Variants in SRGAP1 observed in about 807,000 individuals in gnomAD.
The protein encoded by SRGAP1 is SLIT-ROBO Rho GTPase activating protein 1, also known as SLIT-ROBO Rho GTPase-activating protein 1.
A neutral mutation model predicts 121.9 loss-of-function variants in SRGAP1; 43 were observed. The ratio of observed to expected loss-of-function variants is 0.35; its 90% CI spans 0.28 to 0.46. SRGAP1 has a LOEUF of 0.46. SRGAP1 is among the 20% of genes least tolerant of loss of function. The pLI is 1.00. For synonymous variants in SRGAP1, 447 were observed against 485.4 expected, an observed-to-expected ratio of 0.92 and a Z score of 1.04; for missense variants, 1,102 against 1,350.9, an observed-to-expected ratio of 0.82 and a Z score of 2.89.
intron 17 of SRGAP1, among the ~76,000 whole-genome samples, chr12:64,114,441 C>T (rs1250436172): frequency 2.0e-5 from 3 of 150,902 alleles, no homozygotes; most frequent in African/African-American, 4.9e-5. Flanking sequence ...ACCTCTGCCT[C>T]CCGGGTTCAA....
chr12:63,975,589 C>CT (rs148951833), intron 1 of SRGAP1, among the ~76,000 whole-genome samples: 112 of 152,010 alleles, frequency 7.4e-4, no homozygotes, highest in Middle Eastern at 6.8e-3. Flanking sequence ...ATTTTACGTT[C>CT]TTTTTTTTCT....
rs574299988 is a variant in SRGAP1 at position 63,935,920 on chromosome 12, A to G, written c.68-48027A>G. On this transcript the variant is annotated intron_variant, in intron 1 of 21. Coordinates refer to ENST00000355086, the MANE Select transcript of SRGAP1 (RefSeq NM_020762.4). ...TTAGCTGGGAAATCCAGGAACATTT[A>G]TACCCAAAAAAGAGACTCTTCTTTC... Among the ~76,000 whole-genome samples, 3 of 152,326 alleles carry G rather than the reference A, an allele frequency of 2.0e-5. No homozygotes were observed. The South Asian group carries it at 6.2e-4, about 32-fold the overall frequency.
intron 1 of SRGAP1, among the ~76,000 whole-genome samples, chr12:63,909,619 T>C (rs73315395): frequency 0.02 from 3,073 of 152,368 alleles, 115 homozygotes; most frequent in African/African-American, 0.069. Flanking sequence ...GTATTTATAC[T>C]ATATACCAGA....
intron 4 of SRGAP1, among the ~76,000 whole-genome samples, chr12:64,031,445 C>T (rs1292136125): frequency 1.3e-5 from 2 of 151,740 alleles, no homozygotes; most frequent in Non-Finnish European, 2.9e-5. Flanking sequence ...ATCATGGATT[C>T]AATATCAGTA....
chr12:63,891,180 G>A (rs1032131298), intron 1 of SRGAP1, among the ~76,000 whole-genome samples: 1 of 152,082 alleles, frequency 6.6e-6, no homozygotes, highest in Non-Finnish European at 1.5e-5. Flanking sequence ...TTTATTAGAC[G>A]CTCCTCACTA....
rs200316426 is a variant in SRGAP1, at chr12:64,028,203, T to C, written c.489+11191T>C. 2.8e-4 allele frequency among the ~76,000 whole-genome samples: 43 copies of C among 152,366 alleles called. 1 individual carries two copies. In the East Asian group the frequency reaches 6.5e-3, roughly 23 times the overall value. On this transcript the variant is annotated intron_variant, in intron 4 of 21. Coordinates refer to ENST00000355086, the MANE Select transcript of SRGAP1 (RefSeq NM_020762.4). Reference sequence around the variant, plus strand: ...GCTACCACTGTGGCCCTGGTTAATATCTATTCCATGCACAAACTCTTGGAT... The same window carrying C: ...GCTACCACTGTGGCCCTGGTTAATACCTATTCCATGCACAAACTCTTGGAT...
Position 64,154,769 on chromosome 12 carries a change from T to C in SRGAP1, c.*12097T>C, listed in dbSNP as rs991379686. 6.6e-6 allele frequency: 1 copy of C among 152,152 alleles called. No individual in the cohort carries two copies. The highest frequency in any genetic ancestry group is 1.5e-5 in the Non-Finnish European group (1 of 68,094). The allele number at this position is 152,152 out of a possible 1,614,324, so 9.4% of individuals were successfully genotyped here. ...CTGGCCAGAAGGTGTAAATTTGATA[T>C]TTAAAGCTATGGGACTCCCGGAAAG... is the stretch of plus-strand genomic sequence containing the variant. On this transcript the variant is annotated 3_prime_UTR_variant, in exon 22 of 22. Coordinates refer to ENST00000355086, the MANE Select transcript of SRGAP1 (RefSeq NM_020762.4).
intron 1 of SRGAP1, among the ~76,000 whole-genome samples, chr12:63,917,945 G>T (rs1353162155): frequency 2.6e-5 from 4 of 152,268 alleles, no homozygotes; most frequent in Middle Eastern, 3.4e-3. Flanking sequence ...CTATGCTAGT[G>T]GCTAGCACAA....
At chr12:64,054,497 G>C (rs1341266449) in intron 6 of SRGAP1, among the ~76,000 whole-genome samples, 2 of 152,066 alleles carry the variant, frequency 1.3e-5, no homozygotes, top group Non-Finnish European at 2.9e-5. Context: ...CCATATAACG[G>C]TATTAAGATT....
At chr12:63,855,490 T>TG (rs1899215780) in intron 1 of SRGAP1, among the ~76,000 whole-genome samples, 1 of 132,030 alleles carries the variant, frequency 7.6e-6, no homozygotes, top group Non-Finnish European at 1.6e-5. Flanking sequence ...TTTTTTTTTT[T>TG]TTTTTTTTTT....
At position 64,111,843 on chromosome 12, in the gene SRGAP1, A is replaced by G. The variant is rs764339807; in HGVS notation, c.2001A>G (p.Pro667=). The change falls in exon 17 of 22, where the codon CCA becomes CCG. Residue 667 remains proline, a synonymous_variant. Transcript: ENST00000355086. ...ICFGPTLMPV[P]EIQDQVSCQA... ...TTGGCCCAACATTGATGCCTGTCCC[A>G]GAAATACAGGATCAAGTGTCTTGCC... The G allele has an allele frequency of 6.2e-7, 1 of 1,614,096 alleles. No individual in the cohort carries two copies.
intron 1 of SRGAP1, among the ~76,000 whole-genome samples, chr12:63,920,465 AC>A (rs2030997105): frequency 2.0e-5 from 3 of 152,180 alleles, no homozygotes; most frequent in African/African-American, 7.2e-5. Flanking sequence ...TTCTCCTAGA[AC>A]CTGGGATGCC....
intron 4 of SRGAP1, 105 bp from the exon 5 acceptor site, chr12:64,042,685 A>C: frequency 1.3e-6 from 1 of 754,282 alleles, no homozygotes; most frequent in Non-Finnish European, 2.1e-6. Context: ...CCCCTCTGCC[A>C]TTTGGAAGGT....
intron 1 of SRGAP1, among the ~76,000 whole-genome samples, chr12:63,915,009 C>T (rs1170034842): frequency 6.6e-6 from 1 of 152,172 alleles, no homozygotes; most frequent in African/African-American, 2.4e-5. Context: ...TTAATCTACT[C>T]AGCATTTCAA....
chr12:63,883,997 G>A (rs1369238783), intron 1 of SRGAP1, among the ~76,000 whole-genome samples: 1 of 150,126 alleles, frequency 6.7e-6, no homozygotes, highest in East Asian at 2.1e-4. Flanking sequence ...AGGTGTAGGA[G>A]AGCAGGCCAG....
intron 4 of SRGAP1, among the ~76,000 whole-genome samples, chr12:64,020,843 C>CAAAAAAAAAAAAAA (rs34144761): frequency 1.4e-5 from 1 of 70,052 alleles, no homozygotes; most frequent in African/African-American, 5.4e-5. Context: ...GACTCCGTCT[C>CAAAAAAAAAAAAAA]AAAAAAAAAA....
At chr12:64,050,354 G>A (rs779039847) in intron 6 of SRGAP1, among the ~76,000 whole-genome samples, 3 of 152,038 alleles carry the variant, frequency 2.0e-5, no homozygotes, top group Non-Finnish European at 4.4e-5. Context: ...CAATTTGTAC[G>A]TTATTTCTTT....
At position 64,158,889 on chromosome 12, in the gene SRGAP1, C is replaced by G. The variant is rs1017855667; in HGVS notation, c.*16217C>G. The G allele has an allele frequency of 1.3e-5, 2 of 152,160 alleles. No individual in the cohort carries two copies. Among genetic ancestry groups the G allele is most frequent in the African/African-American group, 4.8e-5 (2 of 41,440 alleles). 9.4% of individuals were successfully genotyped at this position (152,160 alleles called of 1,614,324 possible). A position where few individuals can be genotyped will look rare whatever the true frequency, so the allele number is the denominator to read the frequency against. On this transcript the variant is annotated 3_prime_UTR_variant, in exon 22 of 22. Transcript: ENST00000355086. ...TACGGAGCATTTGGAACATGTCAAA[C>G]AGTAATCAGAGGTCAGGTTGAGGAA...
chr12:63,929,502 C>T (rs2031385144), intron 1 of SRGAP1, among the ~76,000 whole-genome samples: 1 of 151,836 alleles, frequency 6.6e-6, no homozygotes, highest in African/African-American at 2.4e-5. Flanking sequence ...ACCTGGGTTC[C>T]ATTCCTGGGG....
Sources: allele counts gnomAD v4.1 joint callset (sites outside exome capture counted in the v4.1 genomes callset), GRCh38; gene constraint gnomAD v4.1.1; transcripts MANE v1.5; gene names NCBI Gene and HGNC (gene_info 2026-07-23, HGNC 2026-07-21).